SLC8A1: variants seen among roughly 807,000 people sequenced by gnomAD.
SLC8A1 encodes solute carrier family 8 member A1.
A neutral mutation model predicts 68.3 loss-of-function variants in SLC8A1; 18 were observed. The ratio of observed to expected loss-of-function variants is 0.26; its 90% CI spans 0.18 to 0.39. The LOEUF (loss-of-function observed/expected upper bound fraction) is 0.39, where lower values mean the gene tolerates loss of function less well. Among genes scored for constraint, SLC8A1 ranks in the 10% least tolerant of loss-of-function variants. The pLI, the probability that SLC8A1 is intolerant of heterozygous loss-of-function variation, is 1.00. For synonymous variants in SLC8A1, 475 were observed against 415.5 expected (o/e 1.14, Z -1.74); for missense variants, 985 against 1,156.7 (o/e 0.85, Z 2.15).
intron 2 of SLC8A1, among the ~76,000 whole-genome samples, chr2:40,414,293 G>A (rs368152019): frequency 1.3e-5 from 2 of 152,102 alleles, no homozygotes; most frequent in Admixed American, 6.6e-5. Context: ...CTAGACCGTG[G>A]GGAAGCAAAC....
intron 2 of SLC8A1, among the ~76,000 whole-genome samples, chr2:40,219,568 G>A (rs1473595441): frequency 6.6e-6 from 1 of 152,174 alleles, no homozygotes; most frequent in Non-Finnish European, 1.5e-5. Context: ...TTCCTTCAGC[G>A]ATACTATCTG....
chr2:40,446,704 A>G (rs1248192689), intron 1 of SLC8A1: 1 of 152,174 alleles, frequency 6.6e-6, no homozygotes, highest in Non-Finnish European at 1.5e-5. Flanking sequence ...CTTATTAACC[A>G]TTACTTGTTA....
At chr2:40,257,016 GTAAATAAATAAATAAA>G (rs70957166) in intron 2 of SLC8A1, among the ~76,000 whole-genome samples, 6 of 151,298 alleles carry the variant, frequency 4.0e-5, no homozygotes, top group Admixed American at 1.3e-4. Flanking sequence ...TATCAAGTAA[GTAAATAAATAAATAAA>G]TAAATAAATA....
At chr2:40,240,461 T>C (rs575847980) in intron 2 of SLC8A1, among the ~76,000 whole-genome samples, 2 of 152,278 alleles carry the variant, frequency 1.3e-5, no homozygotes, top group South Asian at 4.1e-4. Context: ...TTATTTGGAT[T>C]GGTTAAGAGG....
chr2:40,236,291 G>C (rs1329564940), intron 2 of SLC8A1, among the ~76,000 whole-genome samples: 1 of 151,498 alleles, frequency 6.6e-6, no homozygotes, highest in Non-Finnish European at 1.5e-5. Flanking sequence ...CTCCTGTATT[G>C]GGTGCATATA....
At chr2:40,415,994 G>A (rs1389757664) in intron 2 of SLC8A1, among the ~76,000 whole-genome samples, 3 of 149,578 alleles carry the variant, frequency 2.0e-5, no homozygotes, top group South Asian at 2.1e-4. Flanking sequence ...CCCGGGAGGC[G>A]GAGCTGAGAT....
At chr2:40,435,350 C>G (rs1030139978) in intron 1 of SLC8A1, among the ~76,000 whole-genome samples, 1 of 152,128 alleles carries the variant, frequency 6.6e-6, no homozygotes, top group Non-Finnish European at 1.5e-5. Flanking sequence ...ACCATCTCAC[C>G]TAAAGTGAAA....
chr2:40,421,301 C>T (rs1695440910), intron 2 of SLC8A1, among the ~76,000 whole-genome samples: 1 of 152,086 alleles, frequency 6.6e-6, no homozygotes, highest in African/African-American at 2.4e-5. Flanking sequence ...TGACTCAGAA[C>T]CTCAGTAACT....
chr2:40,357,582 A>C (rs1484151117), intron 2 of SLC8A1, among the ~76,000 whole-genome samples: 1 of 152,002 alleles, frequency 6.6e-6, no homozygotes, highest in Non-Finnish European at 1.5e-5. Flanking sequence ...AGAAATACCT[A>C]ATGTAGACGA....
At chr2:40,459,849 T>A (rs1475839794) in intron 1 of SLC8A1, among the ~76,000 whole-genome samples, 2 of 152,072 alleles carry the variant, frequency 1.3e-5, no homozygotes, top group Admixed American at 1.3e-4. Context: ...TTACCTGAAA[T>A]TATACTATAC....
intron 2 of SLC8A1, among the ~76,000 whole-genome samples, chr2:40,339,219 G>A (rs946453697): frequency 1.3e-5 from 2 of 152,214 alleles, no homozygotes; most frequent in African/African-American, 4.8e-5. Flanking sequence ...GTCATTATCT[G>A]TAGCAACCAC....
chr2:40,376,593 G>A (rs1047233835), intron 2 of SLC8A1, among the ~76,000 whole-genome samples: 1 of 152,048 alleles, frequency 6.6e-6, no homozygotes, highest in Admixed American at 6.6e-5. Context: ...AAAAGGGAAA[G>A]GGAAAAGGAA....
At chr2:40,364,358 GTGTT>G (rs1456740186) in intron 2 of SLC8A1, among the ~76,000 whole-genome samples, 1 of 151,628 alleles carries the variant, frequency 6.6e-6, no homozygotes, top group Non-Finnish European at 1.5e-5. Flanking sequence ...GTTTGTGTGT[GTGTT>G]TGTGTGTGTG....
At chr2:40,348,060 G>C (rs749284409) in intron 2 of SLC8A1, among the ~76,000 whole-genome samples, 7 of 152,116 alleles carry the variant, frequency 4.6e-5, no homozygotes, top group Non-Finnish European at 8.8e-5. Context: ...AGTAATTTGG[G>C]AGTCATAGAG....
exon 8 of SLC8A1, chr2:40,107,003 G>A (rs1002807065): frequency 3.9e-5 from 6 of 152,136 alleles, no homozygotes; most frequent in African/African-American, 1.4e-4. Context: ...ATCTTGGAGG[G>A]AAAATGCTAG....
chr2:40,098,779 C>T (rs1290479390), exon 8 of SLC8A1: 2 of 151,904 alleles, frequency 1.3e-5, no homozygotes, highest in Non-Finnish European at 2.9e-5. Flanking sequence ...TTTCCTTGGT[C>T]CTTAGAAATA....
intron 7 of SLC8A1, among the ~76,000 whole-genome samples, chr2:40,124,972 A>G (rs1414898288): frequency 6.6e-6 from 1 of 152,190 alleles, no homozygotes; most frequent in Non-Finnish European, 1.5e-5. Flanking sequence ...GGATTTCACA[A>G]TTTTAAAGGT....
At chr2:40,279,235 C>T (rs1304570697) in intron 2 of SLC8A1, among the ~76,000 whole-genome samples, 1 of 152,184 alleles carries the variant, frequency 6.6e-6, no homozygotes, top group African/African-American at 2.4e-5. Context: ...CTTTAGACAG[C>T]TTTGCCTTCA....
At chr2:40,154,815 C>A (rs1366350397) in intron 6 of SLC8A1, among the ~76,000 whole-genome samples, 1 of 151,986 alleles carries the variant, frequency 6.6e-6, no homozygotes, top group East Asian at 1.9e-4. Context: ...CAGGCATGCA[C>A]TATCACACCC....
Sources: gnomAD v4.1 joint callset for allele counts (sites outside exome capture counted in the v4.1 genomes callset) on GRCh38, gnomAD v4.1.1 for gene constraint, MANE v1.5 for transcripts, NCBI Gene and HGNC (gene_info 2026-07-23, HGNC 2026-07-21) for gene names.